ROBO2: variants seen among roughly 807,000 people sequenced by gnomAD.
ROBO2 encodes roundabout guidance receptor 2.
A neutral mutation model predicts 160.8 loss-of-function variants in ROBO2; 53 were observed. That is an observed-to-expected ratio of 0.33 (90% CI 0.26 to 0.41). ROBO2 has a LOEUF of 0.41. Ranked by LOEUF, ROBO2 falls within the 10% of genes least tolerant of loss-of-function variation. The pLI is 1.00. For synonymous variants in ROBO2, 664 were observed against 611.7 expected, an observed-to-expected ratio of 1.09 and a Z score of -1.26; for missense variants, 1,577 against 1,722.4, an observed-to-expected ratio of 0.92 and a Z score of 1.49.
At chr3:77,171,159 G>A (rs1005908413) in intron 2 of ROBO2, among the ~76,000 whole-genome samples, 14 of 152,156 alleles carry the variant, frequency 9.2e-5, no homozygotes, top group East Asian at 5.8e-4. Context: ...AGACAGCCCG[G>A]TGACAATTAC....
chr3:76,876,381 A>G (rs1004765697), intron 2 of ROBO2, among the ~76,000 whole-genome samples: 6 of 152,192 alleles, frequency 3.9e-5, no homozygotes, highest in Admixed American at 2.6e-4. Flanking sequence ...ACTTATATAA[A>G]GAGTATCTTA....
intron 3 of ROBO2, among the ~76,000 whole-genome samples, chr3:77,480,634 C>T (rs779913754): frequency 1.3e-5 from 2 of 152,070 alleles, no homozygotes; most frequent in South Asian, 2.1e-4. Flanking sequence ...AGATTTTTAC[C>T]GTTTGATTTA....
chr3:76,561,813 A>T (rs193290270), intron 2 of ROBO2, among the ~76,000 whole-genome samples: 2 of 151,854 alleles, frequency 1.3e-5, no homozygotes, highest in Non-Finnish European at 2.9e-5. Context: ...TTGCTCTTAC[A>T]CTCCCTCTCA....
intron 2 of ROBO2, among the ~76,000 whole-genome samples, chr3:76,038,728 C>T (rs548967526): frequency 6.6e-6 from 1 of 151,852 alleles, no homozygotes; most frequent in Admixed American, 6.6e-5. Context: ...CTGACATTCT[C>T]CTTCCCTGGG....
intron 2 of ROBO2, among the ~76,000 whole-genome samples, chr3:76,800,259 T>G (rs1313420224): frequency 6.6e-6 from 1 of 152,122 alleles, no homozygotes; most frequent in African/African-American, 2.4e-5. Flanking sequence ...CCTCAAACTG[T>G]AAAACTACTA....
intron 2 of ROBO2, among the ~76,000 whole-genome samples, chr3:77,132,406 T>G (rs1482340176): frequency 6.6e-6 from 1 of 152,014 alleles, no homozygotes; most frequent in Non-Finnish European, 1.5e-5. Flanking sequence ...GTGTAATATG[T>G]CAATTTTATC....
intron 5 of ROBO2, among the ~76,000 whole-genome samples, chr3:77,515,901 A>G (rs2089968725): frequency 6.6e-6 from 1 of 151,674 alleles, no homozygotes; most frequent in Admixed American, 6.6e-5. Context: ...TAATTTTGAA[A>G]TTCTTTACTA....
chr3:76,284,004 T>G (rs886831339), intron 2 of ROBO2, among the ~76,000 whole-genome samples: 1 of 152,010 alleles, frequency 6.6e-6, no homozygotes, highest in Non-Finnish European at 1.5e-5. Flanking sequence ...CACTGACAAT[T>G]AAAAAGCCTA....
At chr3:75,963,258 G>T (rs974080460) in intron 2 of ROBO2, among the ~76,000 whole-genome samples, 4 of 151,696 alleles carry the variant, frequency 2.6e-5, no homozygotes, top group Non-Finnish European at 4.4e-5. Context: ...TGCAATTATG[G>T]CTCACTGTAG....
intron 2 of ROBO2, among the ~76,000 whole-genome samples, chr3:76,930,301 C>T (rs2077254235): frequency 6.6e-6 from 1 of 152,112 alleles, no homozygotes; most frequent in South Asian, 2.1e-4. Flanking sequence ...GTCACCATGC[C>T]CGGCCTACTT....
intron 1 of ROBO2, among the ~76,000 whole-genome samples, chr3:77,047,580 T>A: frequency 6.6e-6 from 1 of 151,670 alleles, no homozygotes. Context: ...TCCCAGCTAC[T>A]CAGGAGGCTG....
intron 2 of ROBO2, among the ~76,000 whole-genome samples, chr3:76,943,206 G>A (rs1027860443): frequency 2.0e-5 from 3 of 152,140 alleles, no homozygotes; most frequent in Admixed American, 6.5e-5. Context: ...CAGTATCATT[G>A]CTTGTTGAAA....
At chr3:76,369,190 A>G (rs1222709355) in intron 2 of ROBO2, among the ~76,000 whole-genome samples, 2 of 151,916 alleles carry the variant, frequency 1.3e-5, no homozygotes, top group East Asian at 1.9e-4. Flanking sequence ...GTAATTCTGA[A>G]CACAATGAAC....
At chr3:77,207,039 T>C (rs1038476614) in intron 2 of ROBO2, among the ~76,000 whole-genome samples, 1 of 152,188 alleles carries the variant, frequency 6.6e-6, no homozygotes, top group African/African-American at 2.4e-5. Flanking sequence ...TTTGTACCTA[T>C]AAACTACAAA....
intron 2 of ROBO2, among the ~76,000 whole-genome samples, chr3:75,953,189 C>T (rs1948611626): frequency 6.6e-6 from 1 of 151,872 alleles, no homozygotes; most frequent in Admixed American, 6.6e-5. Context: ...AAGAAACTGC[C>T]AAACTGACTC....
intron 2 of ROBO2, among the ~76,000 whole-genome samples, chr3:76,971,348 C>T (rs1462812796): frequency 1.3e-5 from 2 of 152,134 alleles, no homozygotes; most frequent in Non-Finnish European, 2.9e-5. Flanking sequence ...ATATACTAAA[C>T]ATTTCCATTT....
chr3:77,152,464 AT>A (rs1418512261), intron 2 of ROBO2, among the ~76,000 whole-genome samples: 1 of 152,202 alleles, frequency 6.6e-6, no homozygotes, highest in Non-Finnish European at 1.5e-5. Flanking sequence ...AACTAGCCAG[AT>A]TTTGGTGATC....
At chr3:75,937,637 G>T in intron 2 of ROBO2, 1 of 1,304,750 alleles carries the variant, frequency 7.7e-7, no homozygotes. Flanking sequence ...TTTGAGAGTT[G>T]GATGCGAATT....
At chr3:76,187,883 C>A (rs1028671314) in intron 2 of ROBO2, among the ~76,000 whole-genome samples, 2 of 152,056 alleles carry the variant, frequency 1.3e-5, no homozygotes, top group African/African-American at 4.8e-5. Flanking sequence ...TCAAAAGAAC[C>A]CATTGGTGAA....
Sources: allele counts gnomAD v4.1 joint callset (sites outside exome capture counted in the v4.1 genomes callset), GRCh38; gene constraint gnomAD v4.1.1; transcripts MANE v1.5; gene names NCBI Gene and HGNC (gene_info 2026-07-23, HGNC 2026-07-21).